Variants in TBL1XR1 observed in about 807,000 individuals in gnomAD.
TBL1XR1 encodes TBL1X/Y related 1, also known as F-box-like/WD repeat-containing protein TBL1XR1.
A neutral mutation model predicts 66.9 loss-of-function variants in TBL1XR1; 5 were observed. The observed-to-expected ratio is 0.07, with a 90% confidence interval of 0.04 to 0.16. The LOEUF (loss-of-function observed/expected upper bound fraction) is 0.16, where lower values mean the gene tolerates loss of function less well. Ranked by LOEUF, TBL1XR1 falls within the 10% of genes least tolerant of loss-of-function variation. TBL1XR1 has a pLI of 1.00. For synonymous variants in TBL1XR1, 210 were observed against 206.0 expected (o/e 1.02, Z -0.17); for missense variants, 238 against 623.2 (o/e 0.38, Z 6.58).
chr3:177,116,125 G>T (rs756536522), intron 1 of TBL1XR1, among the ~76,000 whole-genome samples: 44 of 152,148 alleles, frequency 2.9e-4, no homozygotes, highest in Non-Finnish European at 4.6e-4. Context: ...TTGAAAAACA[G>T]TACCTTCCTG....
rs541211542 is a variant in TBL1XR1, at chr3:177,024,074, T to C, written c.*1424A>G. On this transcript the variant is annotated 3_prime_UTR_variant, in exon 16 of 16. Transcript: ENST00000457928. ...AAAATACTTGATATTATAAACAGAG[T>C]AAAAGACATGATATAGTAGTGATTA... 1.3e-5 allele frequency: 2 copies of C among 151,162 alleles called. No homozygotes were observed. Among genetic ancestry groups the C allele is most frequent in the East Asian group, 3.9e-4 (2 of 5,142 alleles). The allele number at this position is 151,162 out of a possible 1,614,324, so 9.4% of individuals were successfully genotyped here.
At chr3:177,119,444 T>C (rs1726717703) in intron 1 of TBL1XR1, among the ~76,000 whole-genome samples, 1 of 152,220 alleles carries the variant, frequency 6.6e-6, no homozygotes. Flanking sequence ...GGGCTTCTTT[T>C]GATTTTGTTT....
At chr3:177,198,999 C>A (rs1047534543), upstream of TBL1XR1, among the ~76,000 whole-genome samples, 3 of 152,164 alleles carry the variant, frequency 2.0e-5, no homozygotes, top group Non-Finnish European at 2.9e-5. Flanking sequence ...ATGTCTCTTT[C>A]CCCCCTGAGC....
intron 3 of TBL1XR1, among the ~76,000 whole-genome samples, chr3:177,061,944 A>G (rs558617976): frequency 3.3e-5 from 5 of 152,340 alleles, no homozygotes; most frequent in African/African-American, 1.2e-4. Flanking sequence ...GCAAGTGCCC[A>G]GATCTAAAGC....
chr3:177,156,518 T>TACACACAC lies in TBL1XR1; in HGVS notation c.-122+40595_-122+40602dup, dbSNP rs35566193. The stretch of plus-strand genomic sequence containing the variant: ...AAAAAAAAAAAATTATATATATACA[T>TACACACAC]ACACACACACACACACACACACACA... On this transcript the variant is annotated intron_variant, in intron 1 of 15. Transcript: ENST00000457928. Among the ~76,000 whole-genome samples the TACACACAC allele has an allele frequency of 5.1e-4, 71 of 139,736 alleles. 2 individuals are homozygous for TACACACAC. The South Asian group carries it at 0.012, about 25-fold the overall frequency. The allele number at this position is 139,736 out of a possible 152,430, so 91.7% of individuals were successfully genotyped here. A position where few individuals can be genotyped will look rare whatever the true frequency, so the allele number is the denominator to read the frequency against.
At chr3:177,035,392 C>T (rs1714630581) in intron 12 of TBL1XR1, among the ~76,000 whole-genome samples, 1 of 150,812 alleles carries the variant, frequency 6.6e-6, no homozygotes, top group Non-Finnish European at 1.5e-5. Context: ...GTACTACCTA[C>T]ACAGTTTTGT....
At chr3:177,166,198 G>T (rs751974076) in intron 1 of TBL1XR1, among the ~76,000 whole-genome samples, 8 of 152,002 alleles carry the variant, frequency 5.3e-5, no homozygotes, top group Admixed American at 2.6e-4. Context: ...ACCAGCTTGG[G>T]CAACATGGTG....
intron 2 of TBL1XR1, among the ~76,000 whole-genome samples, chr3:177,068,979 G>C (rs577591405): frequency 2.0e-5 from 3 of 152,302 alleles, no homozygotes; most frequent in African/African-American, 7.2e-5. Context: ...TAGATGTGAC[G>C]AACTTAAATT....
chr3:177,150,539 GAAAAC>G (rs1247654054), intron 1 of TBL1XR1, among the ~76,000 whole-genome samples: 2 of 152,140 alleles, frequency 1.3e-5, no homozygotes, highest in Non-Finnish European at 1.5e-5. Flanking sequence ...AGTTACCTAG[GAAAAC>G]AAAACAAAAT....
At chr3:177,195,077 T>C (rs998974452) in intron 1 of TBL1XR1, among the ~76,000 whole-genome samples, 3 of 152,128 alleles carry the variant, frequency 2.0e-5, no homozygotes, top group Admixed American at 2.0e-4. Flanking sequence ...TCGTCCCCCA[T>C]ACAGTTTAGT....
Position 177,197,261 on chromosome 3 carries a change from A to G in TBL1XR1, c.-262T>C, listed in dbSNP as rs1280086000. The G allele has an allele frequency of 6.7e-6, 1 of 149,378 alleles. No homozygotes were observed. The highest frequency in any genetic ancestry group is 1.5e-5 in the Non-Finnish European group (1 of 66,968). The allele number at this position is 149,378 out of a possible 1,614,324, so 9.3% of individuals were successfully genotyped here. ...GGGGGTGAGAGGCAATTATAACCCC[A>G]GCGAGCGGAGGGCGCGGGGGATGGG... On this transcript the variant is annotated 5_prime_UTR_variant, in exon 1 of 16. Transcript: ENST00000457928.
In TBL1XR1 at chr3:177,064,871, G is replaced by A. The variant is rs1022127434; in HGVS notation, c.58+49C>T. The A allele has an allele frequency of 1.0e-5, 12 of 1,205,796 alleles. No homozygotes were observed. In the African/African-American group the frequency reaches 1.2e-4, roughly 12 times the overall value. 74.7% of individuals were successfully genotyped at this position (1,205,796 alleles called of 1,614,324 possible). On this transcript the variant is annotated intron_variant, in intron 3 of 15. Transcript: ENST00000457928. ...TTTCAAATGCATAAAAGATTATTTT[G>A]AGAATATTAAAATAATTTGAGGCCT... is the stretch of plus-strand genomic sequence containing the variant.
chr3:177,050,190 G>C lies in TBL1XR1; in HGVS notation c.561-52C>G, dbSNP rs533148960. 4.8e-5 allele frequency: 75 copies of C among 1,573,136 alleles called. 1 individual carries two copies. In the South Asian group the frequency reaches 8.1e-4, roughly 17 times the overall value. On this transcript the variant is annotated intron_variant, in intron 6 of 15. Transcript: ENST00000457928. ...ATCCTCATGACATTCTCACGTATCAGAACAAGGCAACATATTTACATCTGA... is the reference window on the plus strand; with the variant it reads ...ATCCTCATGACATTCTCACGTATCACAACAAGGCAACATATTTACATCTGA...
At chr3:177,101,044 CG>C (rs1194170336) in intron 1 of TBL1XR1, among the ~76,000 whole-genome samples, 2 of 151,984 alleles carry the variant, frequency 1.3e-5, no homozygotes, top group African/African-American at 4.8e-5. Flanking sequence ...TTAGTAGAGA[CG>C]GGGGTCTCTC....
At chr3:177,028,520 T>C (rs1361675180) in intron 14 of TBL1XR1, among the ~76,000 whole-genome samples, 1 of 152,098 alleles carries the variant, frequency 6.6e-6, no homozygotes, top group Admixed American at 6.6e-5. Flanking sequence ...TTAAAAGAGG[T>C]CATTCATAGT....
At chr3:177,156,902 G>A (rs939590634) in intron 1 of TBL1XR1, among the ~76,000 whole-genome samples, 1 of 152,220 alleles carries the variant, frequency 6.6e-6, no homozygotes, top group Non-Finnish European at 1.5e-5. Context: ...AAAATACACA[G>A]TGTATGTATC....
At chr3:177,122,402 C>T (rs747602637) in intron 1 of TBL1XR1, among the ~76,000 whole-genome samples, 2 of 151,786 alleles carry the variant, frequency 1.3e-5, no homozygotes, top group Non-Finnish European at 2.9e-5. Flanking sequence ...AAGAGAAGAG[C>T]ATCAAGAAGT....
intron 4 of TBL1XR1, among the ~76,000 whole-genome samples, chr3:177,053,272 T>C (rs528067137): frequency 1.3e-5 from 2 of 152,286 alleles, no homozygotes; most frequent in Non-Finnish European, 2.9e-5. Context: ...AATATGTAAA[T>C]GCATGTGGCT....
At chr3:177,066,494 G>C (rs931424235) in intron 2 of TBL1XR1, among the ~76,000 whole-genome samples, 1 of 152,148 alleles carries the variant, frequency 6.6e-6, no homozygotes, top group African/African-American at 2.4e-5. Context: ...GGACAGAGAC[G>C]AGTAAGGCTT....
Sources: allele counts gnomAD v4.1 joint callset (sites outside exome capture counted in the v4.1 genomes callset), GRCh38; gene constraint gnomAD v4.1.1; transcripts MANE v1.5; gene names NCBI Gene and HGNC (gene_info 2026-07-23, HGNC 2026-07-21).